Variants in VPS13B observed in about 807,000 individuals in gnomAD.
VPS13B encodes vacuolar protein sorting 13 homolog B.
Under a neutral mutation model 426.4 loss-of-function variants are expected in VPS13B, and 285 were observed. The observed-to-expected ratio is 0.67, with a 90% CI of 0.61 to 0.74. VPS13B has a LOEUF of 0.74. Among genes scored for constraint, VPS13B ranks in the 30% least tolerant of loss-of-function variants. The pLI, the probability that VPS13B is intolerant of heterozygous loss-of-function variation, is 0.00. For missense variants in VPS13B, 4,537 were observed against 4,782.6 expected, an observed-to-expected ratio of 0.95 and a Z score of 1.51; for synonymous variants, 1,676 against 1,676.4, an observed-to-expected ratio of 1.00 and a Z score of 0.01.
intron 3 of VPS13B, among the ~76,000 whole-genome samples, chr8:99,055,349 A>G (rs1307536587): frequency 6.6e-6 from 1 of 151,742 alleles, no homozygotes. Flanking sequence ...CCTATTTTAT[A>G]TTTCTTTTTC....
At chr8:99,548,799 C>T (rs1219260737) in intron 30 of VPS13B, among the ~76,000 whole-genome samples, 1 of 150,616 alleles carries the variant, frequency 6.6e-6, no homozygotes, top group Non-Finnish European at 1.5e-5. Flanking sequence ...TTTCTTATAA[C>T]GATAAAGAAA....
intron 17 of VPS13B, chr8:99,234,109 G>A: frequency 2.5e-6 from 2 of 784,540 alleles, no homozygotes; most frequent in South Asian, 1.3e-5. Context: ...CCTTGCTCCC[G>A]GAAGAGTGGT....
intron 14 of VPS13B, among the ~76,000 whole-genome samples, chr8:99,151,552 A>C (rs573555508): frequency 2.0e-5 from 3 of 149,860 alleles, no homozygotes; most frequent in African/African-American, 7.3e-5. Context: ...TTTTTTTTTG[A>C]GATGGAGTTT....
chr8:99,771,717 T>C (rs1762092954), intron 40 of VPS13B, among the ~76,000 whole-genome samples: 1 of 152,230 alleles, frequency 6.6e-6, no homozygotes, highest in Admixed American at 6.5e-5. Flanking sequence ...AAAGTGACTG[T>C]GGCCTTCCAG....
chr8:99,162,053 G>A (rs2132639935), intron 15 of VPS13B, among the ~76,000 whole-genome samples: 1 of 152,150 alleles, frequency 6.6e-6, no homozygotes, highest in South Asian at 2.1e-4. Flanking sequence ...AAATACTTTT[G>A]AAAATAAAGC....
At chr8:99,099,431 C>A (rs971528066) in intron 4 of VPS13B, among the ~76,000 whole-genome samples, 8 of 152,112 alleles carry the variant, frequency 5.3e-5, no homozygotes, top group African/African-American at 1.9e-4. Flanking sequence ...GCTTGGCTTC[C>A]CAGTGACCAC....
intron 17 of VPS13B, among the ~76,000 whole-genome samples, chr8:99,265,809 C>T (rs1818263092): frequency 6.6e-6 from 1 of 152,194 alleles, no homozygotes; most frequent in East Asian, 1.9e-4. Flanking sequence ...TAATTACCCA[C>T]AGGCACTTTT....
intron 19 of VPS13B, among the ~76,000 whole-genome samples, chr8:99,370,710 A>C (rs533811133): frequency 1.3e-5 from 2 of 150,318 alleles, no homozygotes; most frequent in African/African-American, 4.9e-5. Flanking sequence ...CCAGAGTTCA[A>C]GTGATACTCC....
At chr8:99,449,788 A>C (rs1056697417) in intron 23 of VPS13B, among the ~76,000 whole-genome samples, 3 of 152,152 alleles carry the variant, frequency 2.0e-5, no homozygotes, top group African/African-American at 7.2e-5. Context: ...GGTTTCTTTT[A>C]TCACAGTATT....
chr8:99,306,863 T>C (rs911753610), intron 19 of VPS13B, among the ~76,000 whole-genome samples: 1 of 152,090 alleles, frequency 6.6e-6, no homozygotes, highest in Non-Finnish European at 1.5e-5. Context: ...TCAAAGAAAG[T>C]ATGTGATTAA....
intron 25 of VPS13B, among the ~76,000 whole-genome samples, chr8:99,500,379 G>A (rs1821162658): frequency 6.6e-6 from 1 of 152,058 alleles, no homozygotes; most frequent in South Asian, 2.1e-4. Context: ...AATTTCTTAA[G>A]CATTAGTTCA....
rs564670969 is a variant in VPS13B at position 99,152,227 on chromosome 8, A to G, written c.2013+4217A>G. On this transcript the variant is annotated intron_variant, in intron 14 of 61. Coordinates refer to ENST00000357162, the MANE Select transcript of VPS13B (RefSeq NM_152564.5). ...TTGGATTTTTGTTTTCATTTAATTCAAAGTATTTTGTATTTCTCTTGAGAT... is the reference window on the plus strand; with the variant it reads ...TTGGATTTTTGTTTTCATTTAATTCGAAGTATTTTGTATTTCTCTTGAGAT... Among the ~76,000 whole-genome samples the G allele has an allele frequency of 4.7e-4, 72 of 152,330 alleles. 1 individual carries two copies. The South Asian group carries it at 0.015, about 32-fold the overall frequency.
intron 21 of VPS13B, among the ~76,000 whole-genome samples, chr8:99,427,938 G>C (rs1443478982): frequency 1.3e-5 from 2 of 152,130 alleles, no homozygotes; most frequent in Non-Finnish European, 2.9e-5. Flanking sequence ...CCAAAACAGA[G>C]ATATAGAGCA....
At chr8:99,095,009 C>T (rs1343123490) in intron 3 of VPS13B, among the ~76,000 whole-genome samples, 1 of 152,128 alleles carries the variant, frequency 6.6e-6, no homozygotes, top group Non-Finnish European at 1.5e-5. Context: ...CTGATCTTCC[C>T]TCATGTTACT....
chr8:99,577,194 AT>A (rs1429540877), intron 32 of VPS13B, among the ~76,000 whole-genome samples: 1 of 152,184 alleles, frequency 6.6e-6, no homozygotes, highest in African/African-American at 2.4e-5. Context: ...GAAAACAATA[AT>A]AATAGTTGGA....
chr8:99,324,834 T>G lies in VPS13B; in HGVS notation c.2824+49580T>G, dbSNP rs565041694. 2.6e-5 allele frequency among the ~76,000 whole-genome samples: 4 copies of G among 152,340 alleles called. No individual in the cohort carries two copies. The East Asian group carries it at 7.7e-4, about 29-fold the overall frequency. On this transcript the variant is annotated intron_variant, in intron 19 of 61. Coordinates refer to ENST00000357162, the MANE Select transcript of VPS13B (RefSeq NM_152564.5). ...CTTGTTACTATAATGTAGTCAGTTT[T>G]GTAGATTACATCTAGTTACAAAGAT...
chr8:99,205,225 A>G (rs566840895), intron 17 of VPS13B, among the ~76,000 whole-genome samples: 2 of 152,286 alleles, frequency 1.3e-5, no homozygotes, highest in Admixed American at 6.5e-5. Context: ...GGAGCTAGAA[A>G]CCATCATTCT....
chr8:99,145,700 G>T (rs897567772), intron 13 of VPS13B, among the ~76,000 whole-genome samples: 2 of 152,080 alleles, frequency 1.3e-5, no homozygotes, highest in African/African-American at 4.8e-5. Flanking sequence ...ATATACTATA[G>T]TTTGTTAATT....
intron 33 of VPS13B, among the ~76,000 whole-genome samples, chr8:99,587,530 T>C (rs1339095202): frequency 1.3e-5 from 2 of 151,820 alleles, no homozygotes; most frequent in Non-Finnish European, 1.5e-5. Flanking sequence ...TGGCATGAGA[T>C]GGTATCTCAT....
Sources: gnomAD v4.1 joint callset for allele counts (sites outside exome capture counted in the v4.1 genomes callset) on GRCh38, gnomAD v4.1.1 for gene constraint, MANE v1.5 for transcripts, NCBI Gene and HGNC (gene_info 2026-07-23, HGNC 2026-07-21) for gene names.